C13orf46: variants seen among roughly 807,000 people sequenced by gnomAD.
C13orf46 encodes chromosome 13 open reading frame 46, also known as uncharacterized protein C13orf46.
chr13:113,930,149 C>A, the C13orf46 span, among the ~76,000 whole-genome samples: 2 of 152,222 alleles, frequency 1.3e-5, no homozygotes, highest in Non-Finnish European at 2.9e-5. Context: ...TCGGAGGCCT[C>A]CAGGAACCTC....
At chr13:113,963,143 A>G (rs2052600788) in intron 6 of C13orf46, among the ~76,000 whole-genome samples, 1 of 152,090 alleles carries the variant, frequency 6.6e-6, no homozygotes, top group Non-Finnish European at 1.5e-5. Context: ...GCCGCTTGGC[A>G]GGTACAGCTG....
chr13:113,949,610 C>A (rs2052481281), downstream of C13orf46, among the ~76,000 whole-genome samples: 1 of 152,218 alleles, frequency 6.6e-6, no homozygotes, highest in African/African-American at 2.4e-5. Flanking sequence ...CATTCTGTCC[C>A]CTCTTGCAGG....
At chr13:113,942,308 G>A in the C13orf46 span, among the ~76,000 whole-genome samples, 1 of 152,236 alleles carries the variant, frequency 6.6e-6, no homozygotes, top group Non-Finnish European at 1.5e-5. Context: ...AAATGCCTGA[G>A]GAAATGGGGA....
chr13:113,951,285 C>T (rs1395655985), downstream of C13orf46, among the ~76,000 whole-genome samples: 6 of 152,320 alleles, frequency 3.9e-5, 1 homozygote, highest in East Asian at 9.7e-4. Context: ...CCCTCAGCAC[C>T]GGGGCCCCCA....
intron 6 of C13orf46, among the ~76,000 whole-genome samples, chr13:113,961,496 T>TTTTTTTGAGACGG (rs2052586504): frequency 6.7e-6 from 1 of 148,766 alleles, no homozygotes; most frequent in South Asian, 2.1e-4. Flanking sequence ...TCTTGTTGGT[T>TTTTTTTGAGACGG]AGAAGCTTTC....
In C13orf46 at chr13:113,955,461, G is replaced by A. The variant is rs1164119300; in HGVS notation, c.*1312C>T. 186 of 164,484 alleles carry A rather than the reference G, an allele frequency of 1.1e-3. No homozygotes were observed. The highest frequency in any genetic ancestry group is 2.1e-3 in the Non-Finnish European group (161 of 77,012). The allele number at this position is 164,484 out of a possible 1,614,324, so 10.2% of individuals were successfully genotyped here. On this transcript the variant is annotated 3_prime_UTR_variant, in exon 7 of 7. Transcript: ENST00000636427. Reference sequence around the variant, plus strand: ...GAGGAGCATCCGGTGGAGAGGAGGAGCATCTCGAGGAGCGGAGGAGCATCT... The same window carrying A: ...GAGGAGCATCCGGTGGAGAGGAGGAACATCTCGAGGAGCGGAGGAGCATCT...
downstream of C13orf46, among the ~76,000 whole-genome samples, chr13:113,950,836 C>A (rs1413286698): frequency 6.6e-6 from 1 of 152,228 alleles, no homozygotes; most frequent in Non-Finnish European, 1.5e-5. Context: ...CTCTGGTGAA[C>A]CTTGCACCCA....
At chr13:113,972,659 C>T (rs940772276) in intron 1 of C13orf46, among the ~76,000 whole-genome samples, 3 of 152,118 alleles carry the variant, frequency 2.0e-5, no homozygotes, top group African/African-American at 4.8e-5. Flanking sequence ...GAGTGTGGAC[C>T]GACACAGGGG....
At chr13:113,936,149 T>C in the C13orf46 span, among the ~76,000 whole-genome samples, 1 of 152,192 alleles carries the variant, frequency 6.6e-6, no homozygotes, top group Admixed American at 6.5e-5. Context: ...AATTGAGTCA[T>C]CAGCCCAGGT....
At chr13:113,946,677 C>T in the C13orf46 span, among the ~76,000 whole-genome samples, 5 of 152,252 alleles carry the variant, frequency 3.3e-5, no homozygotes, top group African/African-American at 9.6e-5. Flanking sequence ...TGTCCCTGTG[C>T]CCTATGGCAT....
the C13orf46 span, among the ~76,000 whole-genome samples, chr13:113,940,338 G>T: frequency 6.6e-6 from 1 of 152,250 alleles, no homozygotes; most frequent in African/African-American, 2.4e-5. Flanking sequence ...CACTGGCGGG[G>T]TGGATGCCAG....
chr13:113,961,754 G>GAAGT (rs2052588521), intron 6 of C13orf46, among the ~76,000 whole-genome samples: 1 of 152,184 alleles, frequency 6.6e-6, no homozygotes, highest in African/African-American at 2.4e-5. Context: ...GTGATGCTGT[G>GAAGT]AAGTGTGCAG....
chr13:113,967,897 G>C (rs2052665810), intron 4 of C13orf46, among the ~76,000 whole-genome samples: 1 of 152,172 alleles, frequency 6.6e-6, no homozygotes, highest in African/African-American at 2.4e-5. Context: ...CTGTCCCAAG[G>C]CCTCCAACGG....
At position 113,954,825 on chromosome 13, in the gene C13orf46, T is replaced by A. The variant is rs1330518091; in HGVS notation, c.*1948A>T. The stretch of plus-strand genomic sequence containing the variant: ...GCTGGTGGAGACGAGGAGCATCCGG[T>A]GGAGATGAGGAGCATCCGGTGGAGA... On this transcript the variant is annotated 3_prime_UTR_variant, in exon 7 of 7. Coordinates refer to ENST00000636427, the MANE Select transcript of C13orf46 (RefSeq NM_001365455.2). 54 of 93,718 alleles carry A rather than the reference T, an allele frequency of 5.8e-4. No individual in the cohort carries two copies. Among genetic ancestry groups the A allele is most frequent in the East Asian group, 1.2e-3 (2 of 1,628 alleles). The allele number at this position is 93,718 out of a possible 1,614,324, so 5.8% of individuals were successfully genotyped here.
chr13:113,965,311 C>G (rs1280343840), intron 5 of C13orf46, among the ~76,000 whole-genome samples: 1 of 152,232 alleles, frequency 6.6e-6, no homozygotes, highest in African/African-American at 2.4e-5. Context: ...CCAGCTCTCT[C>G]TGTGGCTCTG....
chr13:113,953,431 G>C (rs2052497523), downstream of C13orf46, among the ~76,000 whole-genome samples: 2 of 151,960 alleles, frequency 1.3e-5, no homozygotes, highest in Non-Finnish European at 2.9e-5. Flanking sequence ...CCCCAGCACT[G>C]GCCCTGATCA....
chr13:113,942,258 G>A, the C13orf46 span, among the ~76,000 whole-genome samples: 1 of 152,210 alleles, frequency 6.6e-6, no homozygotes, highest in Non-Finnish European at 1.5e-5. Flanking sequence ...CCCGGGAGGA[G>A]GGACCCACTG....
intron 4 of C13orf46, among the ~76,000 whole-genome samples, chr13:113,967,682 G>T (rs1054356428): frequency 2.6e-5 from 4 of 152,160 alleles, no homozygotes; most frequent in Non-Finnish European, 4.4e-5. Context: ...ACCCCAGAGG[G>T]TCTCCTCCAA....
In C13orf46 at chr13:113,954,117, G is replaced by A. The variant is rs1047817744; in HGVS notation, c.*2656C>T. 0.085 allele frequency: 12,946 copies of A among 152,338 alleles called. 644 individuals carry two copies. The highest frequency in any genetic ancestry group is 0.13 in the Middle Eastern group (37 of 294). The allele number at this position is 152,338 out of a possible 1,614,324, so 9.4% of individuals were successfully genotyped here. Reference sequence around the variant, plus strand: ...CCCTGAAAAGGGCCCCTCCCTCCCTGGCTGAGTGATGGGCAGAGCTCACCC... The same window carrying A: ...CCCTGAAAAGGGCCCCTCCCTCCCTAGCTGAGTGATGGGCAGAGCTCACCC... On this transcript the variant is annotated 3_prime_UTR_variant, in exon 7 of 7. Coordinates refer to ENST00000636427, the MANE Select transcript of C13orf46 (RefSeq NM_001365455.2).
Sources: gnomAD v4.1 joint callset for allele counts (sites outside exome capture counted in the v4.1 genomes callset) on GRCh38, gnomAD v4.1.1 for gene constraint, MANE v1.5 for transcripts, NCBI Gene and HGNC (gene_info 2026-07-23, HGNC 2026-07-21) for gene names.